Variants in KCNIP2 observed in about 807,000 individuals in gnomAD.
The protein encoded by KCNIP2 is A-type potassium channel modulatory protein KCNIP2.
In KCNIP2, 19 loss-of-function variants were observed where a neutral mutation model predicts 39.0. The ratio of observed to expected loss-of-function variants is 0.49; its 90% confidence interval spans 0.34 to 0.71. KCNIP2 has a LOEUF of 0.71. KCNIP2 is among the 30% of genes least tolerant of loss of function. The pLI is 0.01. For missense variants in KCNIP2, 261 were observed against 346.0 expected (o/e 0.75, Z 1.95); for synonymous variants, 111 against 131.2 (o/e 0.85, Z 1.05).
Position 101,827,039 on chromosome 10 carries a change from G to GTGTTTC in KCNIP2, c.*308_*313dup, listed in dbSNP as rs1254566219. The GTGTTTC allele has an allele frequency of 6.6e-6, 2 of 302,608 alleles. No homozygotes were observed. The highest frequency in any genetic ancestry group is 4.6e-5 in the Admixed American group (1 of 21,730). The allele number at this position is 302,608 out of a possible 1,614,324, so 18.7% of individuals were successfully genotyped here. A position where few individuals can be genotyped will look rare whatever the true frequency, so the allele number is the denominator to read the frequency against. Reference sequence around the variant, plus strand: ...CCATAGCAGGAGACATCTGTCTAGTGTGTTTCTAGAGTAGGGGTAGGAGGT... The same window carrying GTGTTTC: ...CCATAGCAGGAGACATCTGTCTAGTGTGTTTCTGTTTCTAGAGTAGGGGTAGGAGGT... On this transcript the variant is annotated 3_prime_UTR_variant, in exon 10 of 10. Coordinates refer to ENST00000356640, the MANE Select transcript of KCNIP2 (RefSeq NM_173191.3).
chr10:101,827,766 T>A lies in KCNIP2; in HGVS notation c.703-15A>T. On this transcript the variant is annotated splice_polypyrimidine_tract_variant and intron_variant, in intron 8 of 9. Coordinates refer to ENST00000356640, the MANE Select transcript of KCNIP2 (RefSeq NM_173191.3). Reference sequence around the variant, plus strand: ...CTGTCCATCTTCTGCAAGAAGGTGGTCAGGCAGGGAGAACAGGAGGGATGG... The same window carrying A: ...CTGTCCATCTTCTGCAAGAAGGTGGACAGGCAGGGAGAACAGGAGGGATGG... The A allele has an allele frequency of 6.3e-7, 1 of 1,588,792 alleles. No homozygotes were observed. The highest frequency in any genetic ancestry group is 8.6e-7 in the Non-Finnish European group (1 of 1,157,082).
Position 101,828,907 on chromosome 10 carries a change from T to C in KCNIP2, c.348+168A>G. The C allele has an allele frequency of 6.6e-7, 1 of 1,522,028 alleles. No homozygotes were observed. Among genetic ancestry groups the C allele is most frequent in the Non-Finnish European group, 8.8e-7 (1 of 1,131,264 alleles). 94.3% of individuals were successfully genotyped at this position (1,522,028 alleles called of 1,614,324 possible). The stretch of plus-strand genomic sequence containing the variant: ...GAAACTGACAGTCTACAGGCGCCAC[T>C]TCCGTTCTGGCCCCGCCCCAGAACC... On this transcript the variant is annotated intron_variant, in intron 4 of 9. Transcript: ENST00000356640. The surrounding 1 kb of genome is among the most constrained non-coding windows in gnomAD (Gnocchi z 6.6).
rs2066391262 is a variant in KCNIP2 at position 101,843,424 on chromosome 10, G to A, written c.73+72C>T. On this transcript the variant is annotated intron_variant, in intron 1 of 9. Coordinates refer to ENST00000356640, the MANE Select transcript of KCNIP2 (RefSeq NM_173191.3). This position sits in a 1 kb window ranked among gnomAD's most constrained non-coding sequence, Gnocchi z 6.7. ...GAGTGTGGGTGCGGGCCAGGCCGGG[G>A]TCGGAGAGGCGGAAGGGTCTGGAGG... 30 of 1,027,156 alleles carry A rather than the reference G, an allele frequency of 2.9e-5. 1 individual carries two copies. The South Asian group carries it at 5.5e-4, about 19-fold the overall frequency. The allele number at this position is 1,027,156 out of a possible 1,614,324, so 63.6% of individuals were successfully genotyped here.
intron 3 of KCNIP2, chr10:101,829,407 G>A: frequency 1.6e-6 from 1 of 614,578 alleles, no homozygotes; most frequent in Non-Finnish European, 2.6e-6. Context: ...GCCAAGGCCT[G>A]GCCTGGCCCC....
chr10:101,826,989 T>C lies in KCNIP2; in HGVS notation c.*364A>G. ...AGAGGGGAGTCTTAGGGGAAATGTT[T>C]ATGAGGTCAGGGATGGGGGAAGCAC... is the stretch of plus-strand genomic sequence containing the variant. On this transcript the variant is annotated 3_prime_UTR_variant, in exon 10 of 10. Coordinates refer to ENST00000356640, the MANE Select transcript of KCNIP2 (RefSeq NM_173191.3). 1 of 189,972 alleles carries C rather than the reference T, an allele frequency of 5.3e-6. No homozygotes were observed. The highest frequency in any genetic ancestry group is 1.1e-5 in the Non-Finnish European group (1 of 93,100). 11.8% of individuals were successfully genotyped at this position (189,972 alleles called of 1,614,324 possible). A position where few individuals can be genotyped will look rare whatever the true frequency, so the allele number is the denominator to read the frequency against.
Position 101,843,676 on chromosome 10 carries a change from G to C in KCNIP2, c.-108C>G. On this transcript the variant is annotated 5_prime_UTR_variant, in exon 1 of 10. Coordinates refer to ENST00000356640, the MANE Select transcript of KCNIP2 (RefSeq NM_173191.3). The surrounding 1 kb of genome is among the most constrained non-coding windows in gnomAD (Gnocchi z 6.7). The stretch of plus-strand genomic sequence containing the variant: ...GCGGCCTACTGTGCTGTCGGGGCTG[G>C]GGAAGTCCGGGCTGAGGCTGAGTCT... 2 of 542,052 alleles carry C rather than the reference G, an allele frequency of 3.7e-6. No homozygotes were observed. The highest frequency in any genetic ancestry group is 6.2e-6 in the Non-Finnish European group (2 of 323,548). 33.6% of individuals were successfully genotyped at this position (542,052 alleles called of 1,614,324 possible).
chr10:101,839,980 C>T (rs2066278239), intron 1 of KCNIP2: 2 of 690,786 alleles, frequency 2.9e-6, no homozygotes, highest in South Asian at 4.2e-5. Context: ...CTGGAGCCTT[C>T]CCATGTTCTC....
chr10:101,835,230 T>A (rs144376817), intron 1 of KCNIP2, among the ~76,000 whole-genome samples: 1 of 152,160 alleles, frequency 6.6e-6, no homozygotes, highest in Non-Finnish European at 1.5e-5. Flanking sequence ...TGACCTCTCC[T>A]GCTAGGAGGA....
Position 101,828,181 on chromosome 10 carries a change from G to A in KCNIP2, c.567C>T (p.Asp189=), listed in dbSNP as rs2065812308. ...DRLNWAFNLY[D]LNKDGCITKE... is the part of the protein sequence containing the mutation. ...TGGTGATGCAGCCGTCCTTGTTAAG[G>A]TCATACAGGTTGAAGGCCCAATTAA... is the stretch of plus-strand genomic sequence containing the variant. The change falls in exon 7 of 10, where the codon GAC becomes GAT. Residue 189 remains aspartate (D), a synonymous_variant. Coordinates refer to ENST00000356640, the MANE Select transcript of KCNIP2 (RefSeq NM_173191.3). The surrounding 1 kb of genome is among the most constrained non-coding windows in gnomAD (Gnocchi z 6.6). 1 of 1,613,926 alleles carries A rather than the reference G, an allele frequency of 6.2e-7. No homozygotes were observed. The highest frequency in any genetic ancestry group is 1.7e-5 in the Admixed American group (1 of 59,990).
intron 1 of KCNIP2, among the ~76,000 whole-genome samples, chr10:101,837,648 A>G (rs2066204193): frequency 6.6e-6 from 1 of 152,174 alleles, no homozygotes; most frequent in Admixed American, 6.5e-5. Flanking sequence ...TCTGACTGAA[A>G]GAGCAAAACT....
At position 101,829,211 on chromosome 10, in the gene KCNIP2, G is replaced by A; in HGVS notation, c.224-12C>T. 6.2e-7 allele frequency: 1 copy of A among 1,608,850 alleles called. No homozygotes were observed. The highest frequency in any genetic ancestry group is 8.5e-7 in the Non-Finnish European group (1 of 1,177,208). On this transcript the variant is annotated splice_polypyrimidine_tract_variant and intron_variant, in intron 3 of 9. Coordinates refer to ENST00000356640, the MANE Select transcript of KCNIP2 (RefSeq NM_173191.3). The stretch of plus-strand genomic sequence containing the variant: ...ATCGTCCACGCTGTCTGCGGGAGCG[G>A]TGAGGACAGCCGCGCCTCAGGCCCA...
chr10:101,827,616 A>G, intron 9 of KCNIP2, 73 bp downstream of exon 9: 1 of 1,546,424 alleles, frequency 6.5e-7, no homozygotes, highest in Non-Finnish European at 8.9e-7. Context: ...TTCTTCCCAA[A>G]GAAGCTTTTC....
Position 101,828,882 on chromosome 10 carries a change from GA to G in KCNIP2, c.349-187del, listed in dbSNP as rs1466745030. 5.8e-6 allele frequency: 9 copies of G among 1,543,200 alleles called. No individual in the cohort carries two copies. In the Admixed American group the frequency reaches 5.9e-5, roughly 10 times the overall value. On this transcript the variant is annotated intron_variant, in intron 4 of 9. Transcript: ENST00000356640. This position sits in a 1 kb window ranked among gnomAD's most constrained non-coding sequence, Gnocchi z 6.6. The stretch of plus-strand genomic sequence containing the variant: ...AGTGCACAAATAAAAAACATGGAAC[GA>G]AACTGACAGTCTACAGGCGCCACTT...
chr10:101,841,777 G>C (rs1219593046), intron 1 of KCNIP2, among the ~76,000 whole-genome samples: 1 of 152,212 alleles, frequency 6.6e-6, no homozygotes, highest in East Asian at 1.9e-4. Context: ...AGCCAAGTGG[G>C]GAAGGGATGG....
chr10:101,831,303 G>T (rs1205127884), intron 1 of KCNIP2, 136 bp from the exon 2 acceptor site: 2 of 692,586 alleles, frequency 2.9e-6, no homozygotes, highest in East Asian at 2.7e-5. Flanking sequence ...GAAAGGAATG[G>T]CAAGGGTGGT....
chr10:101,827,943 C>T lies in KCNIP2; in HGVS notation c.648G>A (p.Thr216=), dbSNP rs770637574. The change falls in exon 8 of 10, where the codon ACG becomes ACA. Residue 216 remains threonine, a synonymous_variant. Coordinates refer to ENST00000356640, the MANE Select transcript of KCNIP2 (RefSeq NM_173191.3). ...KSIYDMMGKY[T]YPALREEAPR... is the part of the protein sequence containing the mutation. ...GGGCCTCCTCCCGGAGTGCAGGGTA[C>T]GTGTACTTGCCCATCATGTCATAGA... 3.2e-5 allele frequency: 52 copies of T among 1,613,968 alleles called. No individual in the cohort carries two copies. Among genetic ancestry groups the T allele is most frequent in the Non-Finnish European group, 4.1e-5 (48 of 1,179,980 alleles).
chr10:101,827,401 C>T lies in KCNIP2; in HGVS notation c.766-1G>A. Reference sequence around the variant, plus strand: ...GCATGGACCTCATGATGTTCTCATCCTGTGGCCATGATGTGAGCGAGGCAG... The same window carrying T: ...GCATGGACCTCATGATGTTCTCATCTTGTGGCCATGATGTGAGCGAGGCAG... On this transcript the variant is annotated splice_acceptor_variant, in intron 9 of 9. Transcript: ENST00000356640. LOFTEE classifies it high-confidence loss of function. 6.2e-7 allele frequency: 1 copy of T among 1,604,752 alleles called. No individual in the cohort carries two copies. The highest frequency in any genetic ancestry group is 2.2e-5 in the East Asian group (1 of 44,550).
At chr10:101,841,776 G>A (rs1019142532) in intron 1 of KCNIP2, among the ~76,000 whole-genome samples, 1 of 152,226 alleles carries the variant, frequency 6.6e-6, no homozygotes, top group Non-Finnish European at 1.5e-5. Context: ...TAGCCAAGTG[G>A]GGAAGGGATG....
At chr10:101,841,370 C>T (rs1292659293) in intron 1 of KCNIP2, among the ~76,000 whole-genome samples, 1 of 152,238 alleles carries the variant, frequency 6.6e-6, no homozygotes, top group African/African-American at 2.4e-5. Context: ...TCAGCTTAGG[C>T]ATCTCTCAGC....
Sources: allele counts gnomAD v4.1 joint callset (sites outside exome capture counted in the v4.1 genomes callset), GRCh38; gene constraint gnomAD v4.1.1; non-coding constraint Gnocchi (gnomAD v3.1); transcripts MANE v1.5; gene names NCBI Gene and HGNC (gene_info 2026-07-23, HGNC 2026-07-21).